STRBP: variants seen among roughly 807,000 people sequenced by gnomAD.
The protein encoded by STRBP is spermatid perinuclear RNA-binding protein.
In STRBP, 13 loss-of-function variants were observed where a neutral mutation model predicts 80.1. The observed-to-expected ratio is 0.16, with a 90% CI of 0.11 to 0.26. STRBP has a LOEUF of 0.26. Ranked by LOEUF, STRBP falls within the 10% of genes least tolerant of loss-of-function variation. The pLI, the probability that STRBP is intolerant of heterozygous loss-of-function variation, is 1.00. For synonymous variants in STRBP, 284 were observed against 291.2 expected (o/e 0.98, Z 0.25); for missense variants, 485 against 815.2 (o/e 0.59, Z 4.93).
At position 123,110,473 on chromosome 9, in the gene STRBP, G is replaced by A. The variant is rs972476943; in HGVS notation, c.*85-720C>T. On this transcript the variant is annotated intron_variant and NMD_transcript_variant, in intron 3 of 3. Coordinates refer to the STRBP transcript ENST00000471564. The surrounding 1 kb of genome is among the most constrained non-coding windows in gnomAD (Gnocchi z 4.1). Reference sequence around the variant, plus strand: ...GGACCAACCAACCACTTAGACCAAAGGCTCAGCACAACAGGCCAGACAGAT... The same window carrying A: ...GGACCAACCAACCACTTAGACCAAAAGCTCAGCACAACAGGCCAGACAGAT... 1 of 169,176 alleles carries A rather than the reference G, an allele frequency of 5.9e-6. No homozygotes were observed. The highest frequency in any genetic ancestry group is 6.5e-5 in the Admixed American group (1 of 15,282). The allele number at this position is 169,176 out of a possible 1,614,324, so 10.5% of individuals were successfully genotyped here. A position where few individuals can be genotyped will look rare whatever the true frequency, so the allele number is the denominator to read the frequency against.
chr9:123,185,267 T>C lies in STRBP; in HGVS notation c.-164-969A>G, dbSNP rs116557408. Among the ~76,000 whole-genome samples, 1,120 of 152,276 alleles carry C rather than the reference T, an allele frequency of 7.4e-3. 19 individuals carry two copies. Among genetic ancestry groups the C allele is most frequent in the African/African-American group, 0.026 (1,075 of 41,554 alleles). On this transcript the variant is annotated intron_variant, in intron 2 of 18. Transcript: ENST00000348403. Reference sequence around the variant, plus strand: ...AAACACCCTATTGTCAGTAACAGTTTCTTAATATTAGCAGTTAGGCCAAGT... The same window carrying C: ...AAACACCCTATTGTCAGTAACAGTTCCTTAATATTAGCAGTTAGGCCAAGT...
intron 11 of STRBP, among the ~76,000 whole-genome samples, chr9:123,154,169 G>T (rs776066608): frequency 6.6e-6 from 1 of 152,100 alleles, no homozygotes; most frequent in Admixed American, 6.6e-5. Context: ...ATGGCAACAC[G>T]GTAAGTGGTT....
At chr9:123,235,124 G>T (rs2040517919) in intron 2 of STRBP, among the ~76,000 whole-genome samples, 1 of 151,586 alleles carries the variant, frequency 6.6e-6, no homozygotes, top group South Asian at 2.1e-4. Context: ...TGACCTGAAA[G>T]TGTTTTTCCA....
intron 2 of STRBP, among the ~76,000 whole-genome samples, chr9:123,222,871 C>T (rs2040110309): frequency 6.6e-6 from 1 of 151,974 alleles, no homozygotes; most frequent in Non-Finnish European, 1.5e-5. Flanking sequence ...ACCCAGTTGA[C>T]CTGCACAGGA....
intron 1 of STRBP, among the ~76,000 whole-genome samples, chr9:123,239,305 G>A (rs2040642920): frequency 6.6e-6 from 1 of 152,098 alleles, no homozygotes; most frequent in Non-Finnish European, 1.5e-5. Context: ...AACCCGGGAG[G>A]CAGAGCTTGC....
At chr9:123,173,497 A>C (rs967855108) in intron 5 of STRBP, among the ~76,000 whole-genome samples, 180 bp downstream of exon 5, 1 of 152,198 alleles carries the variant, frequency 6.6e-6, no homozygotes, top group African/African-American at 2.4e-5. Flanking sequence ...TCCTGAGTAC[A>C]AATCACCAGA....
chr9:123,122,278 C>T lies in STRBP; in HGVS notation c.*3319G>A, dbSNP rs1398783329. ...TATGGCTACGAAGGTCCGAGGAGAA[C>T]GAGAATAAAGTGAGATAAACGTGCT... On this transcript the variant is annotated 3_prime_UTR_variant, in exon 19 of 19. Transcript: ENST00000348403. 2.2e-5 allele frequency: 28 copies of T among 1,263,400 alleles called. No individual in the cohort carries two copies. In the East Asian group the frequency reaches 5.6e-4, roughly 25 times the overall value. The allele number at this position is 1,263,400 out of a possible 1,614,324, so 78.3% of individuals were successfully genotyped here.
chr9:123,148,293 T>A (rs1180077671), intron 11 of STRBP, among the ~76,000 whole-genome samples: 1 of 152,184 alleles, frequency 6.6e-6, no homozygotes, highest in African/African-American at 2.4e-5. Context: ...CCTTCTGCCA[T>A]GTGGGGATAC....
At chr9:123,130,648 A>G (rs759304958) in intron 17 of STRBP, among the ~76,000 whole-genome samples, 3 of 152,230 alleles carry the variant, frequency 2.0e-5, no homozygotes, top group Non-Finnish European at 4.4e-5. Context: ...TCAATAATAC[A>G]CTGAATAAGG....
intron 2 of STRBP, among the ~76,000 whole-genome samples, chr9:123,229,517 T>C (rs1478507084): frequency 6.6e-6 from 1 of 152,196 alleles, no homozygotes; most frequent in Non-Finnish European, 1.5e-5. Context: ...TGTTTAAATG[T>C]TGATGAATGA....
intron 2 of STRBP, among the ~76,000 whole-genome samples, chr9:123,190,613 C>A (rs1356165681): frequency 6.6e-6 from 1 of 152,218 alleles, no homozygotes. Flanking sequence ...TCTACCATAT[C>A]ACTTGAAGGC....
In STRBP at chr9:123,138,055, A is replaced by C. The variant is rs550373302; in HGVS notation, c.1497+1474T>G. 2.0e-5 allele frequency among the ~76,000 whole-genome samples: 3 copies of C among 152,352 alleles called. No individual in the cohort carries two copies. The South Asian group carries it at 6.2e-4, about 32-fold the overall frequency. ...AAAAATATCTGAATTTTAATAAAGT[A>C]CTATTATTTTAAACGAAGAAATAAA... On this transcript the variant is annotated intron_variant, in intron 14 of 18. Transcript: ENST00000348403.
At chr9:123,252,824 T>G (rs2416899) in intron 1 of STRBP, among the ~76,000 whole-genome samples, 57,276 of 152,040 alleles carry the variant, frequency 0.38, 17,822 homozygotes, top group African/African-American at 0.83. Context: ...CAGCATATTT[T>G]AACATATTAC....
intron 2 of STRBP, among the ~76,000 whole-genome samples, chr9:123,236,580 A>G (rs893919095): frequency 3.9e-5 from 6 of 151,978 alleles, no homozygotes; most frequent in Admixed American, 3.9e-4. Flanking sequence ...TATATTGGAC[A>G]TTGGTGATAT....
At chr9:123,154,242 T>G (rs1396476693) in intron 11 of STRBP, among the ~76,000 whole-genome samples, 1 of 152,236 alleles carries the variant, frequency 6.6e-6, no homozygotes, top group African/African-American at 2.4e-5. Flanking sequence ...ATATTCATAG[T>G]GGATACTATA....
chr9:123,255,509 G>A (rs1465106762), intron 1 of STRBP, among the ~76,000 whole-genome samples: 2 of 152,184 alleles, frequency 1.3e-5, no homozygotes, highest in Admixed American at 6.5e-5. Context: ...GATTTCAAAG[G>A]ATAACCTGTA....
chr9:123,175,637 C>A (rs185087760), intron 4 of STRBP, among the ~76,000 whole-genome samples: 43 of 152,306 alleles, frequency 2.8e-4, no homozygotes, highest in African/African-American at 9.4e-4. Flanking sequence ...TCTTTGATTT[C>A]TTCTTCCTCT....
At chr9:123,245,043 C>G (rs982546415) in intron 1 of STRBP, among the ~76,000 whole-genome samples, 4 of 152,084 alleles carry the variant, frequency 2.6e-5, no homozygotes, top group African/African-American at 9.7e-5. Context: ...AGTGAAAAAG[C>G]CAAGCTGAAA....
At chr9:123,245,236 G>A (rs572060972) in intron 1 of STRBP, among the ~76,000 whole-genome samples, 22 of 152,256 alleles carry the variant, frequency 1.4e-4, no homozygotes, top group African/African-American at 5.3e-4. Context: ...CCCCTTGAGT[G>A]GGCTAACAAA....
Sources: allele counts gnomAD v4.1 joint callset (sites outside exome capture counted in the v4.1 genomes callset), GRCh38; gene constraint gnomAD v4.1.1; non-coding constraint Gnocchi (gnomAD v3.1); transcripts MANE v1.5; gene names NCBI Gene and HGNC (gene_info 2026-07-23, HGNC 2026-07-21).